MELK: variants seen among roughly 807,000 people sequenced by gnomAD.
MELK encodes the protein maternal embryonic leucine zipper kinase.
MELK carries 81 observed loss-of-function variants against 85.0 expected under a neutral mutation model. The observed-to-expected ratio is 0.95, with a 90% confidence interval of 0.80 to 1.15. The LOEUF is 1.15. MELK is among the 50% of genes most tolerant of loss of function. The pLI is 0.00. For synonymous variants in MELK, 252 were observed against 265.0 expected (o/e 0.95, Z 0.48); for missense variants, 754 against 777.5 (o/e 0.97, Z 0.36).
At chr9:36,652,707 G>T (rs1246261398) in intron 12 of MELK, among the ~76,000 whole-genome samples, 1 of 144,028 alleles carries the variant, frequency 6.9e-6, no homozygotes, top group Non-Finnish European at 1.5e-5. Flanking sequence ...TCCAGCCTGG[G>T]CGACAGAGCA....
chr9:36,613,383 C>G (rs1038477712), intron 8 of MELK, among the ~76,000 whole-genome samples: 1 of 152,222 alleles, frequency 6.6e-6, no homozygotes, highest in Non-Finnish European at 1.5e-5. Flanking sequence ...ATGTGCCAGG[C>G]ACTTTTCTAG....
intron 17 of MELK, among the ~76,000 whole-genome samples, chr9:36,675,155 C>T (rs1293508868): frequency 1.3e-5 from 2 of 152,128 alleles, no homozygotes; most frequent in East Asian, 1.9e-4. Flanking sequence ...GGCATGGTGG[C>T]ACATGCCTGT....
At chr9:36,603,319 T>A (rs1331971332) in intron 7 of MELK, among the ~76,000 whole-genome samples, 1 of 152,326 alleles carries the variant, frequency 6.6e-6, no homozygotes, top group African/African-American at 2.4e-5. Context: ...TAGTTGATTC[T>A]GATGTTCACA....
intron 14 of MELK, among the ~76,000 whole-genome samples, chr9:36,667,626 T>C (rs1832509990): frequency 6.6e-6 from 1 of 152,240 alleles, no homozygotes; most frequent in African/African-American, 2.4e-5. Flanking sequence ...AAAGATTGTG[T>C]TGGTCAAAGC....
Position 36,581,691 on chromosome 9 carries a change from T to G in MELK, c.10T>G (p.Tyr4Asp). The G allele has an allele frequency of 1.3e-6, 2 of 1,593,930 alleles. No individual in the cohort carries two copies. MKD[Y>D]DELLKYYELH... ...AACTTGCAAGAGGACTATGAAAGAT[T>G]ATGATGAACTTCTCAAATATTATGA... is the stretch of plus-strand genomic sequence containing the variant. The change falls in exon 2 of 18, where the codon TAT becomes GAT. Residue 4 changes from tyrosine (Y) to aspartate (D), a missense_variant. Physicochemically the swap from Tyr to Asp is radical, Grantham distance 160. Coordinates refer to ENST00000298048, the MANE Select transcript of MELK (RefSeq NM_014791.4).
intron 1 of MELK, among the ~76,000 whole-genome samples, chr9:36,574,859 G>C (rs1322492811): frequency 6.6e-6 from 1 of 151,898 alleles, no homozygotes; most frequent in Non-Finnish European, 1.5e-5. Flanking sequence ...ATTATAGGCC[G>C]GGCGCGGTGG....
At position 36,665,450 on chromosome 9, in the gene MELK, T is replaced by C. The variant is rs548729347; in HGVS notation, c.1277T>C (p.Val426Ala). The C allele has an allele frequency of 6.2e-7, 1 of 1,613,142 alleles. No homozygotes were observed. Among genetic ancestry groups the C allele is most frequent in the African/African-American group, 1.3e-5 (1 of 75,016 alleles). The change falls in exon 14 of 18, where the codon GTA becomes GCA. Residue 426 changes from valine to alanine, a missense_variant. Transcript: ENST00000298048. ...AATAAATTAAAGAACAAAGAAAATG[T>C]ATATACTCCTAAGTCTGCTGTAAAG... Reference protein sequence around the residue: ...PANKLKNKENVYTPKSAVKNE... With the variant: ...PANKLKNKENAYTPKSAVKNE...
Position 36,665,405 on chromosome 9 carries a change from C to T in MELK, c.1232C>T (p.Ala411Val), listed in dbSNP as rs776639034. The part of the protein sequence containing the change: ...NGVESKSLTP[A>V]LCRTPANKLK... ...GTGGAATCTAAATCATTAACTCCAG[C>T]CTTATGCAGAACACCTGCAAATAAA... Residue 411 changes from alanine (A) to valine (V), a missense_variant, in exon 14 of 18, where the codon GCC (alanine) becomes GTC (valine). Ala to Val is a moderately conservative substitution (Grantham distance 64). Transcript: ENST00000298048. 16 of 1,613,268 alleles carry T rather than the reference C, an allele frequency of 9.9e-6. No individual in the cohort carries two copies. The highest frequency in any genetic ancestry group is 1.3e-5 in the African/African-American group (1 of 74,764).
At chr9:36,658,050 C>T (rs1270970195) in intron 13 of MELK, among the ~76,000 whole-genome samples, 13 of 151,474 alleles carry the variant, frequency 8.6e-5, no homozygotes, top group Non-Finnish European at 1.9e-4. Flanking sequence ...CTCAAAATTC[C>T]CTCATTCCCC....
intron 8 of MELK, among the ~76,000 whole-genome samples, chr9:36,622,517 A>G (rs1428284258): frequency 6.6e-6 from 1 of 152,208 alleles, no homozygotes; most frequent in African/African-American, 2.4e-5. Context: ...TTCTAGCATG[A>G]TTACTAATGG....
At chr9:36,580,779 A>G (rs945579719) in intron 1 of MELK, among the ~76,000 whole-genome samples, 3 of 149,746 alleles carry the variant, frequency 2.0e-5, no homozygotes, top group Non-Finnish European at 3.0e-5. Flanking sequence ...CCCAGGCTAG[A>G]GTGCAATGGC....
chr9:36,671,390 C>T (rs1832875396), intron 16 of MELK, among the ~76,000 whole-genome samples: 1 of 152,088 alleles, frequency 6.6e-6, no homozygotes, highest in African/African-American at 2.4e-5. Context: ...TTCAAATATT[C>T]AAGAACAGGT....
At chr9:36,645,773 GC>G (rs1248870135) in intron 11 of MELK, among the ~76,000 whole-genome samples, 3 of 152,152 alleles carry the variant, frequency 2.0e-5, no homozygotes, top group Non-Finnish European at 4.4e-5. Context: ...ACTGTGGTAC[GC>G]AGCCAGAGTC....
intron 8 of MELK, among the ~76,000 whole-genome samples, chr9:36,614,422 TG>T: frequency 1.4e-5 from 1 of 70,052 alleles, no homozygotes; most frequent in African/African-American, 5.8e-5. Context: ...AAATTATTTT[TG>T]GGTTTTTTTT....
intron 17 of MELK, 63 bp downstream of exon 17, chr9:36,675,000 A>G (rs751969463): frequency 1.5e-5 from 19 of 1,309,550 alleles, no homozygotes; most frequent in Non-Finnish European, 1.6e-5. Context: ...AGAAAATAGG[A>G]GTTGGTTGGG....
At chr9:36,648,476 C>T (rs1006847988) in intron 11 of MELK, among the ~76,000 whole-genome samples, 2 of 152,038 alleles carry the variant, frequency 1.3e-5, no homozygotes, top group Non-Finnish European at 2.9e-5. Flanking sequence ...ACAGCCTCCT[C>T]TTCCGCATCC....
chr9:36,645,892 C>T (rs1000112594), intron 11 of MELK, among the ~76,000 whole-genome samples: 3 of 152,148 alleles, frequency 2.0e-5, no homozygotes, highest in African/African-American at 7.2e-5. Flanking sequence ...CACCTCAGAC[C>T]TACTGAATCA....
intron 8 of MELK, among the ~76,000 whole-genome samples, chr9:36,615,110 G>A (rs1362909403): frequency 7.0e-6 from 1 of 142,002 alleles, no homozygotes; most frequent in South Asian, 2.4e-4. Context: ...GCGGCTGGCC[G>A]GGCAGAGGGG....
intron 8 of MELK, among the ~76,000 whole-genome samples, chr9:36,621,308 A>C (rs987889075): frequency 7.2e-6 from 1 of 139,254 alleles, no homozygotes; most frequent in Non-Finnish European, 1.5e-5. Context: ...AAAAAAAAAA[A>C]AAAAAAAAAC....
Sources: allele counts gnomAD v4.1 joint callset (sites outside exome capture counted in the v4.1 genomes callset), GRCh38; gene constraint gnomAD v4.1.1; transcripts MANE v1.5; gene names NCBI Gene and HGNC (gene_info 2026-07-23, HGNC 2026-07-21).